ABL1: variants seen among roughly 807,000 people sequenced by gnomAD.
ABL1 encodes the protein ABL proto-oncogene 1, non-receptor tyrosine kinase.
ABL1 carries 11 observed loss-of-function variants against 94.7 expected under a neutral mutation model. The observed-to-expected ratio is 0.12, with a 90% CI of 0.07 to 0.19. The LOEUF (loss-of-function observed/expected upper bound fraction) is 0.19. Ranked by LOEUF, ABL1 falls within the 10% of genes least tolerant of loss-of-function variation. ABL1 has a pLI of 1.00. For synonymous variants in ABL1, 656 were observed against 622.4 expected (o/e 1.05, Z -0.80); for missense variants, 1,082 against 1,489.4 (o/e 0.73, Z 4.50).
chr9:130,806,420 T>G (rs1830126195), intron 1 of ABL1, among the ~76,000 whole-genome samples: 1 of 152,230 alleles, frequency 6.6e-6, no homozygotes, highest in Non-Finnish European at 1.5e-5. Flanking sequence ...CAATAAGGCT[T>G]GTATCCCAGA....
intron 1 of ABL1, among the ~76,000 whole-genome samples, chr9:130,795,917 C>T (rs1301666624): frequency 1.3e-5 from 2 of 152,176 alleles, no homozygotes; most frequent in South Asian, 2.1e-4. Flanking sequence ...ATAGGCTGGG[C>T]GCGGTGGCTC....
intron 4 of ABL1, among the ~76,000 whole-genome samples, chr9:130,869,830 G>T (rs1169000242): frequency 6.6e-6 from 1 of 151,990 alleles, no homozygotes; most frequent in East Asian, 1.9e-4. Context: ...TTGTTGTTTT[G>T]GTTTTCTATT....
chr9:130,830,618 G>T (rs1185863875), upstream of ABL1, among the ~76,000 whole-genome samples: 1 of 152,172 alleles, frequency 6.6e-6, no homozygotes, highest in East Asian at 1.9e-4. Context: ...GTTAATTTGA[G>T]CTCTTGACTG....
intron 1 of ABL1, among the ~76,000 whole-genome samples, chr9:130,812,200 CA>C (rs35352789): frequency 0.022 from 1,049 of 48,758 alleles, 4 homozygotes; most frequent in African/African-American, 0.03. Context: ...TCCATCTCTA[CA>C]AAAAAAAAAA....
chr9:130,715,659 G>C (rs183549101), intron 1 of ABL1, among the ~76,000 whole-genome samples: 1 of 152,296 alleles, frequency 6.6e-6, no homozygotes, highest in Admixed American at 6.5e-5. Flanking sequence ...ATTTTAACTA[G>C]TGATGATCAT....
chr9:130,826,028 G>A (rs539435774), intron 1 of ABL1, among the ~76,000 whole-genome samples: 1 of 152,288 alleles, frequency 6.6e-6, no homozygotes, highest in East Asian at 1.9e-4. Context: ...TTGAAGATAG[G>A]GGTTTTCCTT....
At chr9:130,821,844 T>A (rs369191471) in intron 1 of ABL1, among the ~76,000 whole-genome samples, 83,430 of 113,174 alleles carry the variant, frequency 0.74, 29,555 homozygotes, top group East Asian at 0.89. Context: ...ATTATTATTT[T>A]TTTTTTTTTT....
At chr9:130,812,559 T>G (rs1296415825) in intron 1 of ABL1, among the ~76,000 whole-genome samples, 1 of 152,196 alleles carries the variant, frequency 6.6e-6, no homozygotes, top group African/African-American at 2.4e-5. Flanking sequence ...TTAAACAAAC[T>G]ATATTTTAAA....
At chr9:130,763,825 G>T (rs1014589549) in intron 1 of ABL1, among the ~76,000 whole-genome samples, 5 of 152,170 alleles carry the variant, frequency 3.3e-5, no homozygotes, top group South Asian at 4.1e-4. Context: ...ACCCTATTCA[G>T]TGAGGGAGGG....
intron 1 of ABL1, among the ~76,000 whole-genome samples, chr9:130,726,063 C>G (rs1831581405): frequency 6.6e-6 from 1 of 151,708 alleles, no homozygotes; most frequent in African/African-American, 2.4e-5. Flanking sequence ...GGTGTCTAAG[C>G]TGGTCTTGAA....
At chr9:130,742,924 A>G (rs1831838183) in intron 1 of ABL1, among the ~76,000 whole-genome samples, 1 of 152,194 alleles carries the variant, frequency 6.6e-6, no homozygotes, top group African/African-American at 2.4e-5. Flanking sequence ...TAAATATTTA[A>G]AACTTTAAAA....
At chr9:130,721,997 T>C (rs1486862779) in intron 1 of ABL1, among the ~76,000 whole-genome samples, 3 of 151,782 alleles carry the variant, frequency 2.0e-5, no homozygotes. Flanking sequence ...TTAGCCAGGA[T>C]GGTTTTGATC....
rs534301832 is a variant in ABL1 at position 130,754,729 on chromosome 9, C to G, written c.136+40274C>G. 6.9e-4 allele frequency among the ~76,000 whole-genome samples: 105 copies of G among 152,048 alleles called. 1 individual carries two copies. Among genetic ancestry groups the G allele is most frequent in the African/African-American group, 2.5e-3 (105 of 41,454 alleles). ...GTCATTGGAGGTATTAAAGGAGAGG[C>G]AAGATAGGAAGATATAGATGGGGTT... On this transcript the variant is annotated intron_variant, in intron 1 of 10. Transcript: ENST00000372348.
chr9:130,842,427 G>C (rs1318506476), intron 1 of ABL1, among the ~76,000 whole-genome samples: 6 of 152,146 alleles, frequency 3.9e-5, no homozygotes, highest in Non-Finnish European at 5.9e-5. Flanking sequence ...GTCTTTATCT[G>C]TCTTACAAGC....
chr9:130,861,804 A>G (rs1340449064), intron 3 of ABL1, among the ~76,000 whole-genome samples: 1 of 152,182 alleles, frequency 6.6e-6, no homozygotes, highest in African/African-American at 2.4e-5. Context: ...CAGATGTTTT[A>G]TGTGGATTTT....
intron 1 of ABL1, among the ~76,000 whole-genome samples, chr9:130,845,057 G>A (rs1260392296): frequency 6.6e-6 from 1 of 152,148 alleles, no homozygotes; most frequent in African/African-American, 2.4e-5. Context: ...CATTCTCACA[G>A]GAAGAGCCTA....
At chr9:130,770,617 A>T (rs1026173123) in intron 1 of ABL1, among the ~76,000 whole-genome samples, 5 of 152,234 alleles carry the variant, frequency 3.3e-5, no homozygotes, top group African/African-American at 1.2e-4. Context: ...ACTTTTAATT[A>T]CTTGGCACAT....
intron 1 of ABL1, among the ~76,000 whole-genome samples, chr9:130,768,114 C>G (rs1832206753): frequency 1.3e-5 from 2 of 152,178 alleles, no homozygotes; most frequent in Non-Finnish European, 2.9e-5. Flanking sequence ...AACAGCATCA[C>G]CCAGATGGGA....
At chr9:130,799,350 G>C (rs1830025472) in intron 1 of ABL1, among the ~76,000 whole-genome samples, 1 of 152,166 alleles carries the variant, frequency 6.6e-6, no homozygotes, top group South Asian at 2.1e-4. Context: ...CATCGTTTCA[G>C]GCAGATTGAC....
Sources: allele counts gnomAD v4.1 joint callset (sites outside exome capture counted in the v4.1 genomes callset), GRCh38; gene constraint gnomAD v4.1.1; transcripts MANE v1.5; gene names NCBI Gene and HGNC (gene_info 2026-07-23, HGNC 2026-07-21).